CNTN4: variants seen among roughly 807,000 people sequenced by gnomAD.
CNTN4 encodes the protein contactin 4.
CNTN4 carries 77 observed loss-of-function variants against 122.5 expected under a neutral mutation model. That is an observed-to-expected ratio of 0.63 (90% CI 0.52 to 0.76). The LOEUF (loss-of-function observed/expected upper bound fraction) is 0.76, where lower values mean the gene tolerates loss of function less well. CNTN4 is among the 30% of genes least tolerant of loss of function. CNTN4 has a pLI of 0.00. For synonymous variants in CNTN4, 512 were observed against 447.0 expected (o/e 1.15, Z -1.83); for missense variants, 1,256 against 1,259.1 (o/e 1.00, Z 0.04).
chr3:2,785,942 A>C (rs2091804533), intron 6 of CNTN4, among the ~76,000 whole-genome samples: 1 of 101,404 alleles, frequency 9.9e-6, no homozygotes. Context: ...CGCAGACCCC[A>C]CTGGCAGAGC....
chr3:2,930,563 A>G (rs2094511068), intron 13 of CNTN4, among the ~76,000 whole-genome samples: 1 of 152,246 alleles, frequency 6.6e-6, no homozygotes, highest in African/African-American at 2.4e-5. Flanking sequence ...CTTATGCTTA[A>G]GGGTTTCCCC....
chr3:2,918,154 T>TATC, intron 12 of CNTN4, among the ~76,000 whole-genome samples: 1 of 152,338 alleles, frequency 6.6e-6, no homozygotes, highest in South Asian at 2.1e-4. Flanking sequence ...ATAAGCAAGA[T>TATC]ATCAGTCACT....
intron 4 of CNTN4, among the ~76,000 whole-genome samples, chr3:2,696,709 G>T (rs1949342): frequency 0.076 from 11,596 of 152,232 alleles, 485 homozygotes; most frequent in South Asian, 0.12. Flanking sequence ...GTTTCTTCCA[G>T]TTTCTTAATA....
At chr3:2,812,400 G>T (rs1167549042) in intron 6 of CNTN4, among the ~76,000 whole-genome samples, 1 of 120,686 alleles carries the variant, frequency 8.3e-6, no homozygotes, top group African/African-American at 3.6e-5. Context: ...TGAATCCAGG[G>T]TATAGTGCGT....
At chr3:2,154,723 A>T (rs1017242863) in intron 2 of CNTN4, among the ~76,000 whole-genome samples, 1 of 152,186 alleles carries the variant, frequency 6.6e-6, no homozygotes, top group Non-Finnish European at 1.5e-5. Flanking sequence ...AATGATTGTG[A>T]TCTGTTTTGC....
At chr3:2,658,804 A>T (rs1393956855) in intron 4 of CNTN4, among the ~76,000 whole-genome samples, 1 of 152,050 alleles carries the variant, frequency 6.6e-6, no homozygotes, top group African/African-American at 2.4e-5. Context: ...TCTTAGTTTC[A>T]AGCCTTTTTT....
At chr3:2,188,351 A>C (rs1413955084) in intron 2 of CNTN4, among the ~76,000 whole-genome samples, 2 of 152,068 alleles carry the variant, frequency 1.3e-5, no homozygotes, top group Admixed American at 1.3e-4. Flanking sequence ...TCCATGTTGA[A>C]GGCCGTGTCC....
In CNTN4 at chr3:2,984,681, C is replaced by T. The variant is rs17024244; in HGVS notation, c.1359-3664C>T. On this transcript the variant is annotated intron_variant, in intron 13 of 24. Transcript: ENST00000418658. ...TCAGCATGTCAGAGTTTGATACAGGCGATGGCTTTAGGTTTTTGGAATGAT... is the reference window on the plus strand; with the variant it reads ...TCAGCATGTCAGAGTTTGATACAGGTGATGGCTTTAGGTTTTTGGAATGAT... 5.0e-3 allele frequency among the ~76,000 whole-genome samples: 757 copies of T among 152,216 alleles called. 12 individuals are homozygous for T. Among genetic ancestry groups the T allele is most frequent in the African/African-American group, 0.017 (692 of 41,512 alleles).
chr3:2,528,230 A>T lies in CNTN4; in HGVS notation c.-88-43186A>T, dbSNP rs112405958. On this transcript the variant is annotated intron_variant, in intron 3 of 24. Coordinates refer to ENST00000418658, the MANE Select transcript of CNTN4 (RefSeq NM_175607.3). ...TGCCTCCTTTCCCCATGGATGTTGTAGTCTTGATTCTTTGTTGTATTTCAG... is the reference window on the plus strand; with the variant it reads ...TGCCTCCTTTCCCCATGGATGTTGTTGTCTTGATTCTTTGTTGTATTTCAG... 5.7e-3 allele frequency among the ~76,000 whole-genome samples: 870 copies of T among 152,252 alleles called. 6 individuals carry two copies. The highest frequency in any genetic ancestry group is 0.02 in the African/African-American group (815 of 41,566).
Position 2,537,428 on chromosome 3 carries a change from G to A in CNTN4, c.-88-33988G>A, listed in dbSNP as rs184305291. Among the ~76,000 whole-genome samples the A allele has an allele frequency of 5.9e-5, 9 of 152,190 alleles. No homozygotes were observed. In the East Asian group the frequency reaches 1.4e-3, roughly 23 times the overall value. On this transcript the variant is annotated intron_variant, in intron 3 of 24. Transcript: ENST00000418658. ...TGAGAGCTATGTCTGTGATGTTGCCGTTTGTCACCAGGATACTTTATGTTG... is the reference window on the plus strand; with the variant it reads ...TGAGAGCTATGTCTGTGATGTTGCCATTTGTCACCAGGATACTTTATGTTG...
intron 3 of CNTN4, among the ~76,000 whole-genome samples, chr3:2,405,222 G>T (rs1443528789): frequency 6.6e-6 from 1 of 152,134 alleles, no homozygotes; most frequent in Non-Finnish European, 1.5e-5. Flanking sequence ...CCTAGCTCTT[G>T]GTCAGTATGG....
At chr3:2,461,508 A>G (rs1314919068) in intron 3 of CNTN4, among the ~76,000 whole-genome samples, 1 of 152,174 alleles carries the variant, frequency 6.6e-6, no homozygotes, top group Non-Finnish European at 1.5e-5. Flanking sequence ...ACTAAGCGGT[A>G]GATCCAGGGC....
At chr3:2,996,310 A>G (rs1346807912) in intron 14 of CNTN4, among the ~76,000 whole-genome samples, 1 of 152,202 alleles carries the variant, frequency 6.6e-6, no homozygotes, top group African/African-American at 2.4e-5. Flanking sequence ...AAATATTTCA[A>G]ATTAAAAAGA....
At chr3:3,038,654 C>G (rs1226452789) in intron 18 of CNTN4, among the ~76,000 whole-genome samples, 1 of 152,228 alleles carries the variant, frequency 6.6e-6, no homozygotes, top group Non-Finnish European at 1.5e-5. Context: ...GGGAACCCCT[C>G]GGCCTCTAGG....
At chr3:2,786,709 A>G (rs1403550377) in intron 6 of CNTN4, among the ~76,000 whole-genome samples, 1 of 152,234 alleles carries the variant, frequency 6.6e-6, no homozygotes, top group Non-Finnish European at 1.5e-5. Flanking sequence ...AAAAGCTTCT[A>G]CTGGAGCCAA....
At position 2,642,417 on chromosome 3, in the gene CNTN4, C is replaced by G. The variant is rs1029999340; in HGVS notation, c.55+70859C>G. 2.0e-5 allele frequency among the ~76,000 whole-genome samples: 3 copies of G among 152,270 alleles called. No homozygotes were observed. In the East Asian group the frequency reaches 5.8e-4, roughly 29 times the overall value. ...CTTTGGCAACACCCTCACAGACATA[C>G]CCAGGAACAATACTTTGCATCATTC... On this transcript the variant is annotated intron_variant, in intron 4 of 24. Coordinates refer to ENST00000418658, the MANE Select transcript of CNTN4 (RefSeq NM_175607.3).
chr3:2,383,272 C>T (rs539346866), intron 3 of CNTN4, among the ~76,000 whole-genome samples: 6 of 152,012 alleles, frequency 3.9e-5, no homozygotes, highest in Non-Finnish European at 5.9e-5. Context: ...TTTTATAATA[C>T]GCTTGCCTTA....
At chr3:2,449,047 G>A (rs1014198026) in intron 3 of CNTN4, among the ~76,000 whole-genome samples, 6 of 152,038 alleles carry the variant, frequency 3.9e-5, no homozygotes, top group Non-Finnish European at 8.8e-5. Flanking sequence ...TTTTCAGAGA[G>A]TGCATATTAC....
At chr3:2,654,091 C>T (rs191067562) in intron 4 of CNTN4, among the ~76,000 whole-genome samples, 52 of 152,326 alleles carry the variant, frequency 3.4e-4, no homozygotes, top group African/African-American at 1.1e-3. Flanking sequence ...CAATTCCATG[C>T]TTTGCTTTTT....
Sources: gnomAD v4.1 joint callset for allele counts (sites outside exome capture counted in the v4.1 genomes callset) on GRCh38, gnomAD v4.1.1 for gene constraint, MANE v1.5 for transcripts, NCBI Gene and HGNC (gene_info 2026-07-23, HGNC 2026-07-21) for gene names.